Variants in CSMD3 observed in about 807,000 individuals in gnomAD.
CSMD3 encodes the protein CUB and sushi domain-containing protein 3.
In CSMD3, 177 loss-of-function variants were observed where a neutral mutation model predicts 435.2. That is an observed-to-expected ratio of 0.41 (90% CI 0.36 to 0.46). The LOEUF is 0.46. Among genes scored for constraint, CSMD3 ranks in the 20% least tolerant of loss-of-function variants. The probability of loss-of-function intolerance (pLI) is 0.34; values close to 1 mark genes in which losing one functional copy is unlikely to be tolerated. For missense variants in CSMD3, 4,265 were observed against 4,504.6 expected, an observed-to-expected ratio of 0.95 and a Z score of 1.52; for synonymous variants, 1,656 against 1,520.5, an observed-to-expected ratio of 1.09 and a Z score of -2.07.
At chr8:112,779,182 C>CGT (rs3047099) in intron 13 of CSMD3, among the ~76,000 whole-genome samples, 50,408 of 149,152 alleles carry the variant, frequency 0.34, 9,299 homozygotes, top group African/African-American at 0.51. Flanking sequence ...TGTGTGTTTG[C>CGT]GTGTGTGTGT....
At chr8:112,648,732 C>T (rs2075047378) in intron 19 of CSMD3, among the ~76,000 whole-genome samples, 1 of 152,114 alleles carries the variant, frequency 6.6e-6, no homozygotes, top group Non-Finnish European at 1.5e-5. Context: ...TTTTATCTTC[C>T]TGGTTCTTAT....
At chr8:112,535,869 A>T (rs919576685) in intron 27 of CSMD3, among the ~76,000 whole-genome samples, 2 of 152,156 alleles carry the variant, frequency 1.3e-5, no homozygotes, top group African/African-American at 4.8e-5. Context: ...ATAATGCCAC[A>T]TACCTACAAC....
At chr8:112,937,119 T>G (rs1353700362) in intron 9 of CSMD3, among the ~76,000 whole-genome samples, 1 of 152,124 alleles carries the variant, frequency 6.6e-6, no homozygotes, top group East Asian at 1.9e-4. Flanking sequence ...CCAACTTGAG[T>G]ATTTTTATAA....
chr8:112,495,207 C>G (rs1540549), intron 30 of CSMD3, among the ~76,000 whole-genome samples: 2,642 of 152,194 alleles, frequency 0.017, 78 homozygotes, highest in African/African-American at 0.06. Flanking sequence ...AATTTTTAGA[C>G]AGAACAGAAA....
intron 7 of CSMD3, among the ~76,000 whole-genome samples, chr8:112,967,977 G>C (rs139257850): frequency 1.3e-5 from 2 of 151,836 alleles, no homozygotes; most frequent in Non-Finnish European, 2.9e-5. Flanking sequence ...AGTGAAGAGA[G>C]TAAGAATAGC....
At chr8:112,316,195 C>T (rs913959527) in intron 47 of CSMD3, among the ~76,000 whole-genome samples, 1 of 151,650 alleles carries the variant, frequency 6.6e-6, no homozygotes, top group African/African-American at 2.4e-5. Flanking sequence ...TATAGTATAG[C>T]TAAAGCTAAG....
At chr8:113,345,819 C>T (rs2094147572) in intron 1 of CSMD3, among the ~76,000 whole-genome samples, 1 of 152,042 alleles carries the variant, frequency 6.6e-6, no homozygotes, top group African/African-American at 2.4e-5. Flanking sequence ...AGAGTAGTTG[C>T]CCAGGTTATA....
At chr8:113,113,002 C>T (rs774588049) in intron 4 of CSMD3, among the ~76,000 whole-genome samples, 2 of 152,146 alleles carry the variant, frequency 1.3e-5, no homozygotes, top group Non-Finnish European at 2.9e-5. Flanking sequence ...TATTTATCCC[C>T]GCAATGCCAC....
chr8:113,392,369 A>C (rs925526046), intron 1 of CSMD3, among the ~76,000 whole-genome samples: 2 of 152,128 alleles, frequency 1.3e-5, no homozygotes, highest in Admixed American at 1.3e-4. Context: ...TGCCCTAAAT[A>C]ATTATGGGGA....
At position 112,947,827 on chromosome 8, in the gene CSMD3, C is replaced by T. The variant is rs751413376; in HGVS notation, c.1471G>A (p.Glu491Lys). 1 of 1,530,848 alleles carries T rather than the reference C, an allele frequency of 6.5e-7. No homozygotes were observed. Among genetic ancestry groups the T allele is most frequent in the Non-Finnish European group, 9.0e-7 (1 of 1,106,162 alleles). The allele number at this position is 1,530,848 out of a possible 1,614,324, so 94.8% of individuals were successfully genotyped here. ...TASNLCPDPG[E>K]PENGKRIGSD... ...CCGATTCTCTTCCCATTTTCTGGTT[C>T]TCCTGGATCTGGGCATAAATTGGAA... Residue 491 changes from glutamate (E) to lysine (K), a missense_variant, in exon 9 of 71, where the codon GAA becomes AAA. Glu to Lys is a moderately conservative substitution (Grantham distance 56). This residue lies in a region of CSMD3 where 731 missense variants were observed against 755.4 expected (regional missense o/e 0.97). Transcript: ENST00000297405.
At chr8:113,075,205 A>G (rs6469447) in intron 5 of CSMD3, among the ~76,000 whole-genome samples, 101,895 of 151,564 alleles carry the variant, frequency 0.67, 35,874 homozygotes, top group East Asian at 0.95. Context: ...TATTAAAAAC[A>G]AATTTTAATA....
At chr8:112,351,333 CTT>C in intron 39 of CSMD3, 89 bp from the exon 40 acceptor site, 1 of 868,140 alleles carries the variant, frequency 1.2e-6, no homozygotes, top group South Asian at 1.4e-5. Context: ...TAAAAACAAG[CTT>C]AAGTACATGG....
intron 1 of CSMD3, among the ~76,000 whole-genome samples, chr8:113,343,912 A>G (rs2094135887): frequency 6.6e-6 from 1 of 152,170 alleles, no homozygotes; most frequent in Non-Finnish European, 1.5e-5. Flanking sequence ...ATAATTCAGA[A>G]AACAAACAGA....
intron 6 of CSMD3, among the ~76,000 whole-genome samples, chr8:113,017,663 C>A (rs1301351484): frequency 6.6e-6 from 1 of 151,752 alleles, no homozygotes; most frequent in Non-Finnish European, 1.5e-5. Flanking sequence ...TGAAAAACTC[C>A]ACAAGTAAAA....
At chr8:112,354,877 A>AC in intron 38 of CSMD3, among the ~76,000 whole-genome samples, 1 of 152,292 alleles carries the variant, frequency 6.6e-6, no homozygotes, top group East Asian at 1.9e-4. Flanking sequence ...AACTGAAGTA[A>AC]AGCCCAAATA....
chr8:112,815,725 A>C (rs1292380362), intron 12 of CSMD3, among the ~76,000 whole-genome samples: 2 of 152,222 alleles, frequency 1.3e-5, no homozygotes, highest in Non-Finnish European at 2.9e-5. Flanking sequence ...AATGCAAGCA[A>C]AACAGAAGTA....
Position 113,110,193 on chromosome 8 carries a change from C to A in CSMD3, c.710-11230G>T, listed in dbSNP as rs566960418. On this transcript the variant is annotated intron_variant, in intron 4 of 70. Coordinates refer to ENST00000297405, the MANE Select transcript of CSMD3 (RefSeq NM_198123.2). ...AAAGGGTCACCTGACCACACCCTTC[C>A]TGTTCTCTCCTGTACACATCTTCAT... Among the ~76,000 whole-genome samples the A allele has an allele frequency of 1.5e-3, 226 of 152,298 alleles. 11 individuals are homozygous for A. In the South Asian group the frequency reaches 0.046, roughly 31 times the overall value.
chr8:112,522,057 C>T (rs1824344129), intron 27 of CSMD3, among the ~76,000 whole-genome samples: 1 of 151,788 alleles, frequency 6.6e-6, no homozygotes, highest in Admixed American at 6.6e-5. Flanking sequence ...ACTTTGTATG[C>T]TACCATTTAT....
intron 1 of CSMD3, among the ~76,000 whole-genome samples, chr8:113,325,576 C>A (rs1455091168): frequency 6.6e-6 from 1 of 152,160 alleles, no homozygotes; most frequent in African/African-American, 2.4e-5. Flanking sequence ...TCTTTATCAG[C>A]AGGATGAAAA....
Sources: gnomAD v4.1 joint callset for allele counts (sites outside exome capture counted in the v4.1 genomes callset) on GRCh38, gnomAD v4.1.1 for gene constraint, gnomAD v4.1.1 regional missense constraint, MANE v1.5 for transcripts, NCBI Gene and HGNC (gene_info 2026-07-23, HGNC 2026-07-21) for gene names.